TAFA2: variants seen among roughly 807,000 people sequenced by gnomAD.
TAFA2 encodes TAFA chemokine like family member 2.
Under a neutral mutation model 18.8 loss-of-function variants are expected in TAFA2, and 7 were observed. The ratio of observed to expected loss-of-function variants is 0.37; its 90% CI spans 0.21 to 0.70. The LOEUF is 0.70. TAFA2 is among the 30% of genes least tolerant of loss of function. The probability of loss-of-function intolerance (pLI) is 0.53; values close to 1 mark genes in which losing one functional copy is unlikely to be tolerated. For synonymous variants in TAFA2, 60 were observed against 54.2 expected (o/e 1.11, Z -0.47); for missense variants, 122 against 158.1 (o/e 0.77, Z 1.23).
At chr12:62,173,050 G>A (rs1254623497) in intron 1 of TAFA2, among the ~76,000 whole-genome samples, 1 of 151,752 alleles carries the variant, frequency 6.6e-6, no homozygotes, top group African/African-American at 2.4e-5. Flanking sequence ...TCAAGGCATG[G>A]CCCAATGTAG....
chr12:61,984,253 AT>A (rs1339286525), intron 1 of TAFA2, among the ~76,000 whole-genome samples: 1 of 152,252 alleles, frequency 6.6e-6, no homozygotes, highest in African/African-American at 2.4e-5. Context: ...ATCAATTTAG[AT>A]TGTGATAGAT....
intron 2 of TAFA2, among the ~76,000 whole-genome samples, chr12:61,820,707 G>T (rs994315588): frequency 6.6e-6 from 1 of 151,876 alleles, no homozygotes; most frequent in African/African-American, 2.4e-5. Context: ...AAAGTGAAAA[G>T]AACTCTACTG....
intron 4 of TAFA2, 50 bp downstream of exon 4, chr12:61,753,572 C>T (rs1218417624): frequency 1.7e-5 from 26 of 1,562,946 alleles, no homozygotes; most frequent in Non-Finnish European, 2.0e-5. Flanking sequence ...AAGCTCCGTT[C>T]TCTATTAATT....
rs570754486 is a variant in TAFA2 at position 62,125,975 on chromosome 12, T to C, written c.-2+65284A>G. On this transcript the variant is annotated intron_variant, in intron 1 of 4. Coordinates refer to ENST00000416284, the MANE Select transcript of TAFA2 (RefSeq NM_178539.5). ...AAGTGAATCTGATATTATCATCATA[T>C]AATAAATTTTTTTCGCATATATTAG... is the stretch of plus-strand genomic sequence containing the variant. Among the ~76,000 whole-genome samples the C allele has an allele frequency of 2.0e-5, 3 of 152,244 alleles. No individual in the cohort carries two copies. In the South Asian group the frequency reaches 6.2e-4, roughly 32 times the overall value.
chr12:62,242,896 A>G (rs995782483), intron 1 of TAFA2, among the ~76,000 whole-genome samples: 6 of 152,222 alleles, frequency 3.9e-5, no homozygotes, highest in Non-Finnish European at 2.9e-5. Context: ...AGTAATAGGA[A>G]CTAACCAACT....
intron 1 of TAFA2, among the ~76,000 whole-genome samples, chr12:62,072,015 T>C (rs1024505206): frequency 4.6e-5 from 7 of 152,188 alleles, no homozygotes; most frequent in Admixed American, 1.3e-4. Context: ...ACTTCTTACA[T>C]TACATTTCAG....
At position 61,871,182 on chromosome 12, in the gene TAFA2, T is replaced by A. The variant is rs544547280; in HGVS notation, c.-1-3756A>T. On this transcript the variant is annotated intron_variant, in intron 1 of 4. Transcript: ENST00000416284. ...AAAATGAAATCCAATCTTCAATGTG[T>A]TTTATTCTGATTTTTAAATAACAAT... is the stretch of plus-strand genomic sequence containing the variant. Among the ~76,000 whole-genome samples the A allele has an allele frequency of 3.3e-5, 5 of 152,306 alleles. No individual in the cohort carries two copies. The South Asian group carries it at 6.2e-4, about 19-fold the overall frequency.
intron 4 of TAFA2, among the ~76,000 whole-genome samples, chr12:61,747,197 T>C (rs1868757687): frequency 6.6e-6 from 1 of 151,568 alleles, no homozygotes; most frequent in African/African-American, 2.4e-5. Context: ...ATGGCGATCA[T>C]TAAAAAGTCA....
chr12:61,921,917 C>T lies in TAFA2; in HGVS notation c.-1-54491G>A, dbSNP rs115301746. ...GGTACAAAAATTGAGAATGTGGTGTCCTTCAAGTCAAATAAAGAAAGTTTA... is the reference window on the plus strand; with the variant it reads ...GGTACAAAAATTGAGAATGTGGTGTTCTTCAAGTCAAATAAAGAAAGTTTA... On this transcript the variant is annotated intron_variant, in intron 1 of 4. Coordinates refer to ENST00000416284, the MANE Select transcript of TAFA2 (RefSeq NM_178539.5). Among the ~76,000 whole-genome samples the T allele has an allele frequency of 2.8e-3, 428 of 152,148 alleles. 2 individuals are homozygous for T. Among genetic ancestry groups the T allele is most frequent in the African/African-American group, 9.7e-3 (401 of 41,514 alleles).
intron 2 of TAFA2, among the ~76,000 whole-genome samples, chr12:61,774,635 A>G (rs1488986502): frequency 6.6e-6 from 1 of 151,782 alleles, no homozygotes; most frequent in Non-Finnish European, 1.5e-5. Context: ...ACAAGGGCAT[A>G]AGAATGATAA....
At chr12:61,851,615 T>A (rs12819584) in intron 2 of TAFA2, among the ~76,000 whole-genome samples, 43,586 of 149,666 alleles carry the variant, frequency 0.29, 6,899 homozygotes, top group South Asian at 0.4. Flanking sequence ...CTCTACTAAA[T>A]ATATAAAAAA....
intron 1 of TAFA2, among the ~76,000 whole-genome samples, chr12:62,250,665 T>C (rs1295872422): frequency 6.6e-6 from 1 of 152,182 alleles, no homozygotes; most frequent in Non-Finnish European, 1.5e-5. Context: ...ATGTTGGGTT[T>C]TGGCCATTCT....
chr12:61,905,420 A>G (rs1428764828), intron 1 of TAFA2, among the ~76,000 whole-genome samples: 1 of 152,184 alleles, frequency 6.6e-6, no homozygotes, highest in Non-Finnish European at 1.5e-5. Context: ...TTAGAGAGTT[A>G]TAAATAACAA....
chr12:61,982,703 T>C lies in TAFA2; in HGVS notation c.-1-115277A>G, dbSNP rs17125585. 9.1e-3 allele frequency among the ~76,000 whole-genome samples: 1,382 copies of C among 152,070 alleles called. 21 individuals are homozygous for C. The highest frequency in any genetic ancestry group is 0.032 in the African/African-American group (1,317 of 41,504). On this transcript the variant is annotated intron_variant, in intron 1 of 4. Coordinates refer to ENST00000416284, the MANE Select transcript of TAFA2 (RefSeq NM_178539.5). ...CCTCTCCCAGCAACACCAAAATATA[T>C]GGATAAGAGAGAAAGATCATCCTCA...
intron 4 of TAFA2, among the ~76,000 whole-genome samples, chr12:61,749,993 C>CCCCCCA (rs1555161293): frequency 4.6e-4 from 68 of 148,880 alleles, no homozygotes; most frequent in African/African-American, 1.6e-3. Flanking sequence ...TCAAAACACC[C>CCCCCCA]CACACACACA....
chr12:62,083,868 C>T, intron 1 of TAFA2, among the ~76,000 whole-genome samples: 1 of 152,168 alleles, frequency 6.6e-6, no homozygotes, highest in South Asian at 2.1e-4. Flanking sequence ...ATTTATGTGA[C>T]TTTTTTATTT....
Position 62,165,025 on chromosome 12 carries a change from T to C in TAFA2, c.-2+26234A>G, listed in dbSNP as rs2062429409. Among the ~76,000 whole-genome samples, 5 of 152,214 alleles carry C rather than the reference T, an allele frequency of 3.3e-5. 1 individual carries two copies. In the South Asian group the frequency reaches 1.0e-3, roughly 32 times the overall value. On this transcript the variant is annotated intron_variant, in intron 1 of 4. Coordinates refer to ENST00000416284, the MANE Select transcript of TAFA2 (RefSeq NM_178539.5). The stretch of plus-strand genomic sequence containing the variant: ...GAAACTGAAATGGAAGTTCCTTAAC[T>C]AGTCTAATACTGTCCCCAATACCTT...
At chr12:61,755,683 G>A (rs1448222246) in intron 2 of TAFA2, among the ~76,000 whole-genome samples, 2 of 152,030 alleles carry the variant, frequency 1.3e-5, no homozygotes, top group African/African-American at 2.4e-5. Context: ...TGGATAATTC[G>A]TATCTGGCAG....
intron 1 of TAFA2, among the ~76,000 whole-genome samples, chr12:62,089,854 A>G (rs1446638867): frequency 6.6e-6 from 1 of 152,102 alleles, no homozygotes; most frequent in Non-Finnish European, 1.5e-5. Flanking sequence ...TTATGCAAAT[A>G]TCATTCATCT....
Sources: gnomAD v4.1 joint callset for allele counts (sites outside exome capture counted in the v4.1 genomes callset) on GRCh38, gnomAD v4.1.1 for gene constraint, MANE v1.5 for transcripts, NCBI Gene and HGNC (gene_info 2026-07-23, HGNC 2026-07-21) for gene names.